ABCC8: variants seen among roughly 807,000 people sequenced by gnomAD.
ABCC8 encodes the protein ATP-binding cassette sub-family C member 8.
In ABCC8, 137 loss-of-function variants were observed where a neutral mutation model predicts 188.0. The ratio of observed to expected loss-of-function variants is 0.73; its 90% CI spans 0.63 to 0.84. The LOEUF (loss-of-function observed/expected upper bound fraction) is 0.84. Ranked by LOEUF, ABCC8 falls within the 40% of genes least tolerant of loss-of-function variation. ABCC8 has a pLI of 0.00. For missense variants in ABCC8, 1,750 were observed against 2,072.7 expected (o/e 0.84, Z 3.02); for synonymous variants, 797 against 846.5 (o/e 0.94, Z 1.01).
chr11:17,435,791 C>T (rs1281970216), intron 10 of ABCC8: 3 of 1,309,934 alleles, frequency 2.3e-6, no homozygotes, highest in Non-Finnish European at 3.3e-6. Context: ...TGTCAGACCC[C>T]ATTCCAGATA....
intron 17 of ABCC8, among the ~76,000 whole-genome samples, chr11:17,415,904 C>T (rs1233422024): frequency 4.6e-5 from 7 of 152,186 alleles, no homozygotes; most frequent in African/African-American, 1.4e-4. Context: ...GGGGGATCTG[C>T]CAGGGATGTC....
intron 16 of ABCC8, among the ~76,000 whole-genome samples, chr11:17,424,143 A>G (rs1955476412): frequency 6.6e-6 from 1 of 152,134 alleles, no homozygotes; most frequent in South Asian, 2.1e-4. Context: ...GGAGGGGAAC[A>G]TCACATACCG....
Position 17,406,796 on chromosome 11 carries a change from G to C in ABCC8, c.3163-8C>G, listed in dbSNP as rs1489967666. On this transcript the variant is annotated splice_region_variant and splice_polypyrimidine_tract_variant and intron_variant, in intron 25 of 38. Coordinates refer to ENST00000389817, the MANE Select transcript of ABCC8 (RefSeq NM_000352.6). Reference sequence around the variant, plus strand: ...CTGGTCGAGGGTGCACTCCTTCACAGGCAGAGAGTGATTTGGAGTTCCAGG... The same window carrying C: ...CTGGTCGAGGGTGCACTCCTTCACACGCAGAGAGTGATTTGGAGTTCCAGG... 2 of 1,614,100 alleles carry C rather than the reference G, an allele frequency of 1.2e-6. No homozygotes were observed. The highest frequency in any genetic ancestry group is 1.7e-6 in the Non-Finnish European group (2 of 1,180,052).
intron 10 of ABCC8, among the ~76,000 whole-genome samples, chr11:17,439,509 G>A (rs1257070483): frequency 6.6e-6 from 1 of 152,090 alleles, no homozygotes; most frequent in Non-Finnish European, 1.5e-5. Context: ...GTAACAGAAG[G>A]CAGGAAGTCC....
intron 10 of ABCC8, among the ~76,000 whole-genome samples, chr11:17,435,409 C>T (rs184854570): frequency 3.7e-4 from 57 of 152,272 alleles, no homozygotes; most frequent in African/African-American, 1.3e-3. Flanking sequence ...GACAGAATAA[C>T]CACTTCTAGG....
chr11:17,435,649 A>T, intron 10 of ABCC8: 1 of 1,406,970 alleles, frequency 7.1e-7, no homozygotes, highest in South Asian at 1.2e-5. Context: ...GTGTAGGAAG[A>T]TGATGCTGGG....
At chr11:17,466,905 A>G (rs1848185594) in intron 3 of ABCC8, among the ~76,000 whole-genome samples, 2 of 152,106 alleles carry the variant, frequency 1.3e-5, no homozygotes, top group Admixed American at 1.3e-4. Flanking sequence ...AGCTCAAGCA[A>G]TTCACCTGCC....
At chr11:17,396,066 C>T in intron 33 of ABCC8, 136 bp from the exon 34 acceptor site, 1 of 1,510,876 alleles carries the variant, frequency 6.6e-7, no homozygotes, top group Non-Finnish European at 8.8e-7. Context: ...ACTAGTTTCT[C>T]TTTGGACACC....
intron 22 of ABCC8, 150 bp from the exon 23 acceptor site, chr11:17,408,667 T>C (rs1433021618): frequency 7.8e-7 from 1 of 1,284,892 alleles, no homozygotes; most frequent in Non-Finnish European, 1.1e-6. Flanking sequence ...TGGGCTGGTA[T>C]TGATAACCTA....
chr11:17,402,859 C>T (rs1564886790), intron 28 of ABCC8, 106 bp from the exon 29 acceptor site: 1 of 1,350,154 alleles, frequency 7.4e-7, no homozygotes, highest in South Asian at 1.2e-5. Context: ...AATGGCCTTA[C>T]CTCTCTAGGC....
At chr11:17,440,709 G>A (rs1956281868) in intron 10 of ABCC8, among the ~76,000 whole-genome samples, 1 of 152,262 alleles carries the variant, frequency 6.6e-6, no homozygotes, top group Non-Finnish European at 1.5e-5. Context: ...CTGATGACTG[G>A]ACCACATTCC....
At chr11:17,450,308 TTCTTTCTTTC>T (rs1956736737) in intron 7 of ABCC8, among the ~76,000 whole-genome samples, 1 of 135,226 alleles carries the variant, frequency 7.4e-6, no homozygotes, top group African/African-American at 3.2e-5. Context: ...CTTTCTTTCT[TTCTTTCTTTC>T]TTTCTTTCTC....
intron 23 of ABCC8, 89 bp from the exon 24 acceptor site, chr11:17,407,542 A>C: frequency 6.3e-7 from 1 of 1,586,136 alleles, no homozygotes; most frequent in Non-Finnish European, 8.6e-7. Flanking sequence ...TCTGGTGATG[A>C]CCAATGTCAG....
rs1161988958 is a variant in ABCC8 at position 17,470,174 on chromosome 11, C to T, written c.339G>A (p.Ala113=). 5.6e-6 allele frequency: 9 copies of T among 1,614,020 alleles called. No homozygotes were observed. Among genetic ancestry groups the T allele is most frequent in the African/African-American group, 2.7e-5 (2 of 74,900 alleles). Residue 113 remains alanine (A), a synonymous_variant, in exon 3 of 39, where the codon GCG becomes GCA. Transcript: ENST00000389817. ...HLHLYMPAGM[A]FMAAVTSVVY... ...CCACGGAGGTGACAGCAGCCATGAA[C>T]GCCATCCCGGCTGGCATGTACAGGT...
chr11:17,461,913 A>G (rs1309874741), intron 4 of ABCC8, 88 bp from the exon 5 acceptor site: 1 of 1,587,582 alleles, frequency 6.3e-7, no homozygotes, highest in Non-Finnish European at 8.5e-7. Flanking sequence ...GGGTTGTGAT[A>G]TTCCACACTT....
intron 19 of ABCC8, 86 bp from the exon 20 acceptor site, chr11:17,413,564 T>G: frequency 6.2e-7 from 1 of 1,611,528 alleles, no homozygotes; most frequent in Non-Finnish European, 8.5e-7. Context: ...AGTCTCTGGG[T>G]AGCTATGCCC....
intron 29 of ABCC8, among the ~76,000 whole-genome samples, chr11:17,402,096 G>A (rs1954273974): frequency 6.6e-6 from 1 of 152,214 alleles, no homozygotes; most frequent in African/African-American, 2.4e-5. Context: ...TGCCTGGCAT[G>A]GGGCTTAGCA....
intron 10 of ABCC8, among the ~76,000 whole-genome samples, chr11:17,435,011 G>GTGTGTGTGTGTGTGTA (rs1487011165): frequency 6.6e-6 from 1 of 151,818 alleles, no homozygotes; most frequent in African/African-American, 2.4e-5. Context: ...GTGTGTGTGT[G>GTGTGTGTGTGTGTGTA]TGTGTGTTTT....
At chr11:17,443,998 A>G (rs2133600253) in intron 8 of ABCC8, among the ~76,000 whole-genome samples, 1 of 152,300 alleles carries the variant, frequency 6.6e-6, no homozygotes, top group East Asian at 1.9e-4. Flanking sequence ...CAAAGAACAG[A>G]TGTGCTGGCT....
Sources: gnomAD v4.1 joint callset for allele counts (sites outside exome capture counted in the v4.1 genomes callset) on GRCh38, gnomAD v4.1.1 for gene constraint, MANE v1.5 for transcripts, NCBI Gene and HGNC (gene_info 2026-07-23, HGNC 2026-07-21) for gene names.